The following SNX29 variants were observed in gnomAD, a reference collection of about 807,000 sequenced individuals.
SNX29 encodes sorting nexin-29.
SNX29 carries 78 observed loss-of-function variants against 102.1 expected under a neutral mutation model. The ratio of observed to expected loss-of-function variants is 0.76; its 90% CI spans 0.64 to 0.92. The LOEUF (loss-of-function observed/expected upper bound fraction) is 0.92. Ranked by LOEUF, SNX29 falls within the 40% of genes least tolerant of loss-of-function variation. The pLI, the probability that SNX29 is intolerant of heterozygous loss-of-function variation, is 0.00. For synonymous variants in SNX29, 580 were observed against 414.5 expected (o/e 1.40, Z -4.85); for missense variants, 1,280 against 1,061.7 (o/e 1.21, Z -2.86).
chr16:12,556,028 A>C (rs1038639440), intron 20 of SNX29, among the ~76,000 whole-genome samples: 6 of 152,136 alleles, frequency 3.9e-5, no homozygotes, highest in Non-Finnish European at 7.3e-5. Context: ...ATGCCATGCC[A>C]CCGTAGTGCT....
chr16:12,477,683 G>T (rs2087719129), intron 18 of SNX29, 36 bp from the exon 19 acceptor site: 8 of 1,603,086 alleles, frequency 5.0e-6, no homozygotes, highest in Non-Finnish European at 6.8e-6. Flanking sequence ...TATAATAAGG[G>T]TTTAAGAGGA....
At chr16:12,248,374 C>G (rs1409277069) in intron 14 of SNX29, among the ~76,000 whole-genome samples, 1 of 151,714 alleles carries the variant, frequency 6.6e-6, no homozygotes, top group African/African-American at 2.4e-5. Flanking sequence ...CTCTCTTCCT[C>G]TCCCCATCCA....
At chr16:12,565,209 G>GAC (rs974510861) in intron 20 of SNX29, among the ~76,000 whole-genome samples, 2 of 152,156 alleles carry the variant, frequency 1.3e-5, no homozygotes, top group African/African-American at 4.8e-5. Flanking sequence ...TATTCAGCCA[G>GAC]ACAGCATTAC....
chr16:12,550,579 A>C (rs1381508604), intron 20 of SNX29, among the ~76,000 whole-genome samples: 1 of 151,742 alleles, frequency 6.6e-6, no homozygotes, highest in African/African-American at 2.4e-5. Context: ...ATATACTTCC[A>C]CCGGTGCATA....
At chr16:12,471,873 T>G (rs2087357704) in intron 18 of SNX29, among the ~76,000 whole-genome samples, 1 of 152,210 alleles carries the variant, frequency 6.6e-6, no homozygotes, top group African/African-American at 2.4e-5. Context: ...AAGAATCCTT[T>G]CTCCCGCCCA....
At chr16:12,450,786 G>T (rs1217875408) in intron 18 of SNX29, among the ~76,000 whole-genome samples, 3 of 152,176 alleles carry the variant, frequency 2.0e-5, no homozygotes, top group Admixed American at 2.0e-4. Flanking sequence ...GCCAATCATT[G>T]TGGTGGCACT....
At chr16:12,139,272 G>A (rs1019531621) in intron 13 of SNX29, among the ~76,000 whole-genome samples, 1 of 149,720 alleles carries the variant, frequency 6.7e-6, no homozygotes, top group Non-Finnish European at 1.5e-5. Flanking sequence ...AGACCGATCA[G>A]GTCCCTCTGA....
At chr16:12,107,356 T>TTTA (rs1555461513) in intron 11 of SNX29, among the ~76,000 whole-genome samples, 2 of 149,038 alleles carry the variant, frequency 1.3e-5, no homozygotes. Context: ...TTTTTTTTTT[T>TTTA]AAAACGTTTT....
chr16:12,434,531 A>T (rs2085449665), intron 18 of SNX29, among the ~76,000 whole-genome samples: 1 of 152,118 alleles, frequency 6.6e-6, no homozygotes, highest in Non-Finnish European at 1.5e-5. Context: ...GTCGGGGGTA[A>T]TATGTATCTA....
intron 3 of SNX29, among the ~76,000 whole-genome samples, chr16:12,011,529 C>A (rs1342260314): frequency 2.0e-5 from 3 of 152,120 alleles, no homozygotes; most frequent in African/African-American, 7.3e-5. Context: ...CCCTTCTTGG[C>A]CTCCCAAAGT....
At chr16:12,061,345 G>C (rs1433609232) in intron 8 of SNX29, among the ~76,000 whole-genome samples, 183 bp from the exon 9 acceptor site, 2 of 152,204 alleles carry the variant, frequency 1.3e-5, no homozygotes, top group Non-Finnish European at 2.9e-5. Flanking sequence ...CACTGGTTGA[G>C]AGAACAAATG....
chr16:12,515,729 C>A, intron 19 of SNX29: 1 of 421,186 alleles, frequency 2.4e-6, no homozygotes, highest in South Asian at 1.8e-5. Context: ...CTCCGGAGGG[C>A]AGGGGTCACA....
At chr16:12,285,888 C>G (rs890231377) in intron 15 of SNX29, among the ~76,000 whole-genome samples, 2 of 152,182 alleles carry the variant, frequency 1.3e-5, no homozygotes, top group Admixed American at 1.3e-4. Context: ...TGGAGTTTCA[C>G]TCTGTTGCCC....
At chr16:12,258,858 C>A (rs920609327) in intron 14 of SNX29, among the ~76,000 whole-genome samples, 2 of 152,112 alleles carry the variant, frequency 1.3e-5, no homozygotes, top group African/African-American at 4.8e-5. Context: ...TAATGAGACA[C>A]CAAGGAGGAC....
At chr16:12,365,791 C>A (rs1358711355) in intron 16 of SNX29, among the ~76,000 whole-genome samples, 1 of 148,676 alleles carries the variant, frequency 6.7e-6, no homozygotes, top group South Asian at 2.2e-4. Context: ...GCCTGTAATC[C>A]CAGCACTTTG....
Position 12,532,216 on chromosome 16 carries a change from T to A in SNX29, c.2318+7375T>A, listed in dbSNP as rs186125631. On this transcript the variant is annotated intron_variant, in intron 20 of 20. Coordinates refer to ENST00000566228, the MANE Select transcript of SNX29 (RefSeq NM_032167.5). ...TCTTGCAAATAAATACTAATATGTT[T>A]ATGTAAATTGTGTACTTTCTGTGAG... is the stretch of plus-strand genomic sequence containing the variant. Among the ~76,000 whole-genome samples, 711 of 152,350 alleles carry A rather than the reference T, an allele frequency of 4.7e-3. 1 individual carries two copies. The highest frequency in any genetic ancestry group is 7.0e-3 in the Non-Finnish European group (476 of 68,040).
At chr16:12,282,327 G>C (rs1037614032) in intron 15 of SNX29, among the ~76,000 whole-genome samples, 1 of 152,184 alleles carries the variant, frequency 6.6e-6, no homozygotes, top group African/African-American at 2.4e-5. Context: ...AGATGGCGCT[G>C]GTGGTGGGGA....
At chr16:12,106,146 T>A (rs935501353) in intron 11 of SNX29, among the ~76,000 whole-genome samples, 15 of 152,198 alleles carry the variant, frequency 9.9e-5, no homozygotes, top group African/African-American at 3.6e-4. Context: ...ACTTGGCTTC[T>A]GTGAGTTTCA....
intron 19 of SNX29, among the ~76,000 whole-genome samples, chr16:12,519,867 G>GC (rs1477206496): frequency 6.6e-6 from 1 of 152,090 alleles, no homozygotes; most frequent in Non-Finnish European, 1.5e-5. Context: ...AATTAGCTAG[G>GC]CATGGTGGTG....
Sources: allele counts gnomAD v4.1 joint callset (sites outside exome capture counted in the v4.1 genomes callset), GRCh38; gene constraint gnomAD v4.1.1; transcripts MANE v1.5; gene names NCBI Gene and HGNC (gene_info 2026-07-23, HGNC 2026-07-21).